GLIS3: variants seen among roughly 807,000 people sequenced by gnomAD.
GLIS3 encodes zinc finger protein GLIS3.
A neutral mutation model predicts 78.6 loss-of-function variants in GLIS3; 53 were observed. The observed-to-expected ratio is 0.67, with a 90% CI of 0.54 to 0.85. GLIS3 has a LOEUF of 0.85. Among genes scored for constraint, GLIS3 ranks in the 40% least tolerant of loss-of-function variants. GLIS3 has a pLI of 0.00. For missense variants in GLIS3, 1,703 were observed against 1,231.1 expected (o/e 1.38, Z -5.74); for synonymous variants, 684 against 509.9 (o/e 1.34, Z -4.60).
intron 2 of GLIS3, among the ~76,000 whole-genome samples, chr9:4,214,808 T>G (rs1269831812): frequency 1.3e-5 from 2 of 152,328 alleles, no homozygotes; most frequent in Admixed American, 1.3e-4. Context: ...GGGAAACATG[T>G]TAGAATACAA....
intron 4 of GLIS3, among the ~76,000 whole-genome samples, chr9:3,966,210 T>A (rs1229917817): frequency 2.6e-5 from 4 of 152,236 alleles, no homozygotes; most frequent in African/African-American, 9.6e-5. Flanking sequence ...ACTATATAAC[T>A]GTTGAATGAA....
chr9:4,095,606 C>T (rs565529714), intron 4 of GLIS3, among the ~76,000 whole-genome samples: 1 of 152,240 alleles, frequency 6.6e-6, no homozygotes, highest in East Asian at 1.9e-4. Context: ...CTAATGTTTC[C>T]TCTACCAACA....
At chr9:4,485,647 AC>A in the GLIS3 span, among the ~76,000 whole-genome samples, 1 of 151,726 alleles carries the variant, frequency 6.6e-6, no homozygotes, top group Admixed American at 6.6e-5. Flanking sequence ...AATCAGCTCT[AC>A]CTGTGCGGCA....
intron 2 of GLIS3, among the ~76,000 whole-genome samples, chr9:4,340,451 C>G (rs1399306174): frequency 6.6e-6 from 1 of 152,052 alleles, no homozygotes; most frequent in Non-Finnish European, 1.5e-5. Context: ...TTTGTCTTAC[C>G]CAGTGTCTTT....
At chr9:4,340,859 C>A (rs532869776) in intron 2 of GLIS3, among the ~76,000 whole-genome samples, 4 of 152,106 alleles carry the variant, frequency 2.6e-5, no homozygotes, top group Non-Finnish European at 5.9e-5. Context: ...CCCCTCCTGG[C>A]TAATTTTTGT....
chr9:4,258,065 T>G (rs186956537), intron 2 of GLIS3, among the ~76,000 whole-genome samples: 21 of 152,318 alleles, frequency 1.4e-4, no homozygotes, highest in African/African-American at 5.1e-4. Flanking sequence ...TGTATGCCTA[T>G]GTACACACAA....
At chr9:4,010,687 T>C (rs552166606) in intron 4 of GLIS3, among the ~76,000 whole-genome samples, 4 of 152,192 alleles carry the variant, frequency 2.6e-5, no homozygotes, top group Non-Finnish European at 5.9e-5. Context: ...TTGATTTCTG[T>C]AGCCTCCTAA....
At chr9:4,409,445 C>G in the GLIS3 span, among the ~76,000 whole-genome samples, 2 of 152,046 alleles carry the variant, frequency 1.3e-5, no homozygotes, top group Non-Finnish European at 1.5e-5. Context: ...CAATGATCTC[C>G]AAACATCACC....
intron 2 of GLIS3, among the ~76,000 whole-genome samples, chr9:4,338,122 C>T (rs1587393271): frequency 6.6e-6 from 1 of 151,696 alleles, no homozygotes; most frequent in East Asian, 1.9e-4. Context: ...TCACAGGAGT[C>T]AGGACACCTG....
chr9:4,304,937 G>T (rs2130503151), upstream of GLIS3, among the ~76,000 whole-genome samples: 1 of 152,292 alleles, frequency 6.6e-6, no homozygotes, highest in South Asian at 2.1e-4. Context: ...TATTGTCCAT[G>T]GAACAAATGA....
intron 4 of GLIS3, among the ~76,000 whole-genome samples, chr9:4,091,988 C>T (rs897642635): frequency 6.6e-6 from 1 of 152,160 alleles, no homozygotes; most frequent in Non-Finnish European, 1.5e-5. Context: ...GTCTGTGGGA[C>T]TGGAAGTTGT....
the GLIS3 span, among the ~76,000 whole-genome samples, chr9:4,401,816 C>T: frequency 6.6e-6 from 1 of 151,998 alleles, no homozygotes; most frequent in Non-Finnish European, 1.5e-5. Flanking sequence ...GGCTGGTGGC[C>T]TTGGGCTTTA....
At chr9:4,414,641 T>C in the GLIS3 span, among the ~76,000 whole-genome samples, 4 of 152,352 alleles carry the variant, frequency 2.6e-5, no homozygotes, top group East Asian at 7.7e-4. Flanking sequence ...AAGGATTCAT[T>C]GCTTGACCAA....
chr9:4,098,084 T>A (rs911838182), intron 4 of GLIS3, among the ~76,000 whole-genome samples: 3 of 152,194 alleles, frequency 2.0e-5, no homozygotes, highest in African/African-American at 7.2e-5. Flanking sequence ...GGACACTGGA[T>A]GATTAAAGAA....
At chr9:4,479,683 G>A in the GLIS3 span, among the ~76,000 whole-genome samples, 5 of 152,074 alleles carry the variant, frequency 3.3e-5, no homozygotes, top group African/African-American at 7.3e-5. Flanking sequence ...GCCTTGCTGT[G>A]TTGGTGTTGG....
chr9:4,125,736 G>C lies in GLIS3; in HGVS notation c.594C>G (p.Thr198=). ...GGAAAAAAAAGTTAACTTGAGACCT[G>C]GTATCTGAAGGAGGTATATTCAGGT... The part of the protein sequence containing the change: ...AANLNIPPSD[T]RSLISRESLA... The change falls in exon 3 of 11, where the codon ACC becomes ACG. Residue 198 remains threonine (T), a splice_region_variant and synonymous_variant. Transcript: ENST00000381971. 4.3e-6 allele frequency: 7 copies of C among 1,611,948 alleles called. No individual in the cohort carries two copies. The highest frequency in any genetic ancestry group is 5.9e-6 in the Non-Finnish European group (7 of 1,178,680).
intron 1 of GLIS3, among the ~76,000 whole-genome samples, chr9:4,294,067 T>G (rs1384311977): frequency 6.6e-6 from 1 of 152,224 alleles, no homozygotes; most frequent in Admixed American, 6.5e-5. Flanking sequence ...CTTTATTTTG[T>G]TCTCTTTTCC....
chr9:4,435,149 T>C, the GLIS3 span, among the ~76,000 whole-genome samples: 2 of 152,228 alleles, frequency 1.3e-5, no homozygotes, highest in African/African-American at 4.8e-5. Flanking sequence ...ATGGTCAACC[T>C]GACGAACTCC....
the GLIS3 span, among the ~76,000 whole-genome samples, chr9:4,463,435 C>A: frequency 4.6e-5 from 7 of 152,176 alleles, no homozygotes; most frequent in African/African-American, 1.7e-4. Flanking sequence ...ACCCTCTCTC[C>A]TCTTATGCTC....
Sources: gnomAD v4.1 joint callset for allele counts (sites outside exome capture counted in the v4.1 genomes callset) on GRCh38, gnomAD v4.1.1 for gene constraint, MANE v1.5 for transcripts, NCBI Gene and HGNC (gene_info 2026-07-23, HGNC 2026-07-21) for gene names.